Variants in SKP2 observed in about 807,000 individuals in gnomAD.
The protein encoded by SKP2 is S-phase kinase associated protein 2.
SKP2 carries 16 observed loss-of-function variants against 51.8 expected under a neutral mutation model. The ratio of observed to expected loss-of-function variants is 0.31; its 90% CI spans 0.21 to 0.47. The LOEUF (loss-of-function observed/expected upper bound fraction) is 0.47. Among genes scored for constraint, SKP2 ranks in the 20% least tolerant of loss-of-function variants. The probability of loss-of-function intolerance (pLI) is 1.00; values close to 1 mark genes in which losing one functional copy is unlikely to be tolerated. For missense variants in SKP2, 377 were observed against 505.3 expected, an observed-to-expected ratio of 0.75 and a Z score of 2.43; for synonymous variants, 176 against 198.6, an observed-to-expected ratio of 0.89 and a Z score of 0.96.
intron 3 of SKP2, among the ~76,000 whole-genome samples, chr5:36,165,611 T>C (rs1379182637): frequency 6.6e-6 from 1 of 152,208 alleles, no homozygotes; most frequent in Non-Finnish European, 1.5e-5. Context: ...GGATATCTTA[T>C]CTACAGTCCA....
Position 36,168,293 on chromosome 5 carries a change from T to G in SKP2, c.537-20T>G. On this transcript the variant is annotated intron_variant, in intron 4 of 9. Coordinates refer to ENST00000274255, the MANE Select transcript of SKP2 (RefSeq NM_005983.4). ...CCGTGAGAGCCACCTATGGAGCTCCTTTTTTCTCTCCGTGTTTAGCCCTTT... is the reference window on the plus strand; with the variant it reads ...CCGTGAGAGCCACCTATGGAGCTCCGTTTTTCTCTCCGTGTTTAGCCCTTT... 6.2e-7 allele frequency: 1 copy of G among 1,610,504 alleles called. No individual in the cohort carries two copies. Among genetic ancestry groups the G allele is most frequent in the Non-Finnish European group, 8.5e-7 (1 of 1,178,374 alleles).
chr5:36,163,069 A>T (rs1462605204), intron 2 of SKP2, among the ~76,000 whole-genome samples: 2 of 152,146 alleles, frequency 1.3e-5, no homozygotes, highest in African/African-American at 4.8e-5. Context: ...ACACATGGGG[A>T]TTATGGGAAC....
rs1745833429 is a variant in SKP2 at position 36,182,196 on chromosome 5, T to G, written c.*165T>G. The G allele has an allele frequency of 1.3e-5, 19 of 1,416,080 alleles. No individual in the cohort carries two copies. Among genetic ancestry groups the G allele is most frequent in the Non-Finnish European group, 1.7e-5 (19 of 1,089,364 alleles). 87.7% of individuals were successfully genotyped at this position (1,416,080 alleles called of 1,614,324 possible). On this transcript the variant is annotated 3_prime_UTR_variant, in exon 10 of 10. Coordinates refer to ENST00000274255, the MANE Select transcript of SKP2 (RefSeq NM_005983.4). ...AGGGAAAACTATGAAATCTTGCTTT[T>G]TGAAATGATTCTAAAAGCTTCTATC...
chr5:36,167,548 A>G (rs1745324377), intron 4 of SKP2, among the ~76,000 whole-genome samples: 1 of 152,118 alleles, frequency 6.6e-6, no homozygotes, highest in South Asian at 2.1e-4. Context: ...CTAATTACCT[A>G]AAAACGTCTG....
chr5:36,184,941 T>G (rs953823262), downstream of SKP2, among the ~76,000 whole-genome samples: 1 of 152,242 alleles, frequency 6.6e-6, no homozygotes, highest in African/African-American at 2.4e-5. Flanking sequence ...CCTGACTTTT[T>G]AATGATCGCC....
downstream of SKP2, among the ~76,000 whole-genome samples, chr5:36,187,267 C>G (rs955862323): frequency 1.3e-5 from 2 of 152,024 alleles, no homozygotes; most frequent in African/African-American, 2.4e-5. Flanking sequence ...TTATTTCTTC[C>G]TTTCTGGTAG....
At chr5:36,185,003 C>T (rs1394592472), downstream of SKP2, among the ~76,000 whole-genome samples, 7 of 152,316 alleles carry the variant, frequency 4.6e-5, no homozygotes, top group African/African-American at 1.7e-4. Context: ...TTGCATTTCT[C>T]TGATGGCCAG....
rs756680029 is a variant in SKP2 at position 36,171,950 on chromosome 5, T to C, written c.901+217T>C. ...AAGGTTTGAATTCAGGATCTAACAG[T>C]AGAAACCTTTACACTTGAAAACAAT... On this transcript the variant is annotated intron_variant, in intron 7 of 9. Transcript: ENST00000274255. Among the ~76,000 whole-genome samples, 5 of 152,338 alleles carry C rather than the reference T, an allele frequency of 3.3e-5. No individual in the cohort carries two copies. In the South Asian group the frequency reaches 6.2e-4, roughly 19 times the overall value.
Position 36,183,745 on chromosome 5 carries a change from G to A in SKP2, c.*1714G>A. On this transcript the variant is annotated 3_prime_UTR_variant, in exon 10 of 10. Coordinates refer to ENST00000274255, the MANE Select transcript of SKP2 (RefSeq NM_005983.4). ...GTGCCTTTATCTGCTTAGACCTAAG[G>A]AAGATTTTAAAGTTGGGTTGCACAG... The A allele has an allele frequency of 6.9e-7, 1 of 1,451,606 alleles. No individual in the cohort carries two copies. The highest frequency in any genetic ancestry group is 9.1e-7 in the Non-Finnish European group (1 of 1,104,338). 89.9% of individuals were successfully genotyped at this position (1,451,606 alleles called of 1,614,324 possible). A position where few individuals can be genotyped will look rare whatever the true frequency, so the allele number is the denominator to read the frequency against.
intron 9 of SKP2, among the ~76,000 whole-genome samples, chr5:36,179,767 A>G (rs1406414524): frequency 6.6e-6 from 1 of 152,132 alleles, no homozygotes; most frequent in South Asian, 2.1e-4. Flanking sequence ...GTGATTTTAC[A>G]TTTCTTACAT....
chr5:36,186,075 A>AATGCTCGTGATTTTT (rs1745952745), downstream of SKP2, among the ~76,000 whole-genome samples: 1 of 152,166 alleles, frequency 6.6e-6, no homozygotes. Flanking sequence ...GGTGTATAAG[A>AATGCTCGTGATTTTT]ATGCTCGTGA....
At chr5:36,156,831 T>G (rs1428010181) in intron 2 of SKP2, among the ~76,000 whole-genome samples, 2 of 152,136 alleles carry the variant, frequency 1.3e-5, no homozygotes, top group East Asian at 3.8e-4. Context: ...TTGTTCAAAG[T>G]GTAAAATTCC....
chr5:36,172,005 A>G (rs1745492317), intron 7 of SKP2, among the ~76,000 whole-genome samples: 2 of 152,244 alleles, frequency 1.3e-5, no homozygotes, highest in African/African-American at 2.4e-5. Context: ...CTTTTAATCA[A>G]CTAAATGGTT....
chr5:36,171,830 A>G, intron 7 of SKP2, 97 bp downstream of exon 7: 1 of 1,265,394 alleles, frequency 7.9e-7, no homozygotes, highest in Non-Finnish European at 1.1e-6. Flanking sequence ...AAGTTTTCTC[A>G]TTTAATCCAG....
intron 5 of SKP2, 126 bp downstream of exon 5, chr5:36,168,573 T>A: frequency 4.6e-6 from 4 of 866,916 alleles, no homozygotes; most frequent in Non-Finnish European, 7.2e-6. Flanking sequence ...AGTGCAGTGC[T>A]CTAGCTTCTG....
At chr5:36,181,703 C>T in intron 9 of SKP2, 115 bp from the exon 10 acceptor site, 1 of 1,015,452 alleles carries the variant, frequency 9.8e-7, no homozygotes, top group Non-Finnish European at 1.5e-6. Context: ...TTGTAAATTA[C>T]ACTTTCAGAC....
chr5:36,173,624 A>T (rs1225782658), intron 7 of SKP2, among the ~76,000 whole-genome samples: 1 of 152,130 alleles, frequency 6.6e-6, no homozygotes, highest in Non-Finnish European at 1.5e-5. Flanking sequence ...ATTTGGCTTA[A>T]AATCTTTCCC....
At chr5:36,172,385 C>T (rs1745503492) in intron 7 of SKP2, among the ~76,000 whole-genome samples, 1 of 152,196 alleles carries the variant, frequency 6.6e-6, no homozygotes, top group African/African-American at 2.4e-5. Flanking sequence ...AGGGAGCAGT[C>T]TTTAAAAACC....
At chr5:36,177,320 A>G in intron 9 of SKP2, 28 bp downstream of exon 9, 1 of 1,352,090 alleles carries the variant, frequency 7.4e-7, no homozygotes, top group Non-Finnish European at 1.1e-6. Context: ...TTAATGCTTA[A>G]TAGAAGGCAG....
Sources: gnomAD v4.1 joint callset for allele counts (sites outside exome capture counted in the v4.1 genomes callset) on GRCh38, gnomAD v4.1.1 for gene constraint, MANE v1.5 for transcripts, NCBI Gene and HGNC (gene_info 2026-07-23, HGNC 2026-07-21) for gene names.